The following UBAP1L variants were observed in gnomAD, a reference collection of about 807,000 sequenced individuals.
UBAP1L encodes the protein ubiquitin-associated protein 1-like.
UBAP1L carries 32 observed loss-of-function variants against 32.1 expected under a neutral mutation model. The ratio of observed to expected loss-of-function variants is 1.00; its 90% confidence interval spans 0.75 to 1.34. The LOEUF (loss-of-function observed/expected upper bound fraction) is 1.34, where lower values mean the gene tolerates loss of function less well. Ranked by LOEUF, UBAP1L falls within the 40% of genes most tolerant of loss-of-function variation. The pLI is 0.00. For missense variants in UBAP1L, 516 were observed against 540.5 expected, an observed-to-expected ratio of 0.95 and a Z score of 0.45; for synonymous variants, 243 against 250.2, an observed-to-expected ratio of 0.97 and a Z score of 0.27.
chr15:65,095,736 C>G (rs1478710328), intron 4 of UBAP1L: 6 of 152,248 alleles, frequency 3.9e-5, no homozygotes. Flanking sequence ...GATGAAAGTG[C>G]ACATCATCTA....
chr15:65,099,217 G>C (rs2087210939), intron 4 of UBAP1L: 1 of 393,582 alleles, frequency 2.5e-6, no homozygotes, highest in Admixed American at 4.1e-5. Flanking sequence ...GGAGAGCTGG[G>C]AGACACTCTT....
At chr15:65,109,257 G>A (rs1595923569) in intron 1 of UBAP1L, among the ~76,000 whole-genome samples, 2 of 151,772 alleles carry the variant, frequency 1.3e-5, no homozygotes, top group African/African-American at 2.4e-5. Flanking sequence ...GCCGAGGTGG[G>A]CGGATCACAA....
rs1287274556 is a variant in UBAP1L at position 65,106,219 on chromosome 15, G to C, written c.-4C>G. 6.5e-7 allele frequency: 1 copy of C among 1,538,342 alleles called. No individual in the cohort carries two copies. The highest frequency in any genetic ancestry group is 2.1e-5 in the Admixed American group (1 of 46,998). On this transcript the variant is annotated 5_prime_UTR_variant, in exon 2 of 6. Coordinates refer to ENST00000559089, the MANE Select transcript of UBAP1L (RefSeq NM_001163692.2). ...GAACACCATCGAGGGCATTCATTCT[G>C]TCAGGAGTGTGGAGATGGCTGGCAG...
At chr15:65,107,208 C>T (rs1042531047) in intron 1 of UBAP1L, among the ~76,000 whole-genome samples, 28 of 151,722 alleles carry the variant, frequency 1.8e-4, no homozygotes, top group African/African-American at 6.8e-4. Flanking sequence ...AATACCCATA[C>T]CCTTTCAGCA....
At position 65,102,008 on chromosome 15, in the gene UBAP1L, T is replaced by A; in HGVS notation, c.699+98A>T. On this transcript the variant is annotated intron_variant, in intron 3 of 5. Transcript: ENST00000559089. The surrounding 1 kb of genome is among the most constrained non-coding windows in gnomAD (Gnocchi z 5.0). ...GGTCAAGGGAGGATGCAGGAGCGCG[T>A]GGAGTAGGGGACCGAGGCTGCGGGC... is the stretch of plus-strand genomic sequence containing the variant. 2.3e-6 allele frequency: 1 copy of A among 440,144 alleles called. No homozygotes were observed. Among genetic ancestry groups the A allele is most frequent in the Non-Finnish European group, 3.6e-6 (1 of 280,224 alleles). The allele number at this position is 440,144 out of a possible 1,614,324, so 27.3% of individuals were successfully genotyped here.
intron 1 of UBAP1L, among the ~76,000 whole-genome samples, chr15:65,108,608 G>T (rs2087342944): frequency 6.6e-6 from 1 of 151,934 alleles, no homozygotes. Flanking sequence ...AGCCAGGTAT[G>T]GTGGCATACA....
At chr15:65,096,748 A>G (rs1055009760) in intron 4 of UBAP1L, 13 of 152,348 alleles carry the variant, frequency 8.5e-5, no homozygotes, top group Admixed American at 8.5e-4. Flanking sequence ...CATGGCACCC[A>G]TGCCTGTCCT....
At chr15:65,107,968 A>G (rs2087335225) in intron 1 of UBAP1L, among the ~76,000 whole-genome samples, 1 of 151,694 alleles carries the variant, frequency 6.6e-6, no homozygotes, top group South Asian at 2.1e-4. Flanking sequence ...AAATTCCATC[A>G]CTTTTTTTTT....
intron 1 of UBAP1L, among the ~76,000 whole-genome samples, chr15:65,108,934 AT>A (rs1308707968): frequency 6.6e-6 from 1 of 150,890 alleles, no homozygotes; most frequent in East Asian, 2.0e-4. Context: ...AGGCAGGCAG[AT>A]CGCTTGAGGT....
rs2140563975 is a variant in UBAP1L at position 65,102,354 on chromosome 15, C to T, written c.451G>A (p.Val151Met). The T allele has an allele frequency of 1.4e-6, 2 of 1,472,762 alleles. No homozygotes were observed. The highest frequency in any genetic ancestry group is 1.3e-5 in the South Asian group (1 of 77,214). The allele number at this position is 1,472,762 out of a possible 1,614,324, so 91.2% of individuals were successfully genotyped here. The change falls in exon 3 of 6, where the codon GTG becomes ATG. Residue 151 changes from valine to methionine, a missense_variant. Val to Met is a conservative substitution (Grantham distance 21, BLOSUM62 1). Coordinates refer to ENST00000559089, the MANE Select transcript of UBAP1L (RefSeq NM_001163692.2). The surrounding 1 kb of genome is among the most constrained non-coding windows in gnomAD (Gnocchi z 5.0). Reference protein sequence around the residue: ...RLCSLDVLRGVRLELAGARRR... With the variant: ...RLCSLDVLRGMRLELAGARRR... ...CGCGCCCCTGCCAGCTCCAACCGCA[C>T]GCCGCGTAGCACGTCCAGCGAGCAC...
intron 3 of UBAP1L, chr15:65,101,248 C>G (rs1404139331): frequency 6.6e-6 from 1 of 152,270 alleles, no homozygotes; most frequent in African/African-American, 2.4e-5. Flanking sequence ...CTGCCACCTT[C>G]TGCTGCCAAT....
chr15:65,110,220 G>A (rs993679493), intron 1 of UBAP1L, among the ~76,000 whole-genome samples: 8 of 151,782 alleles, frequency 5.3e-5, no homozygotes, highest in East Asian at 3.9e-4. Context: ...TTAGCTGGGC[G>A]TGGTGGTGCG....
At chr15:65,097,038 G>A (rs552696159) in intron 4 of UBAP1L, 1 of 152,274 alleles carries the variant, frequency 6.6e-6, no homozygotes, top group Non-Finnish European at 1.5e-5. Flanking sequence ...GATAGATGAA[G>A]TCATCCAAAG....
In UBAP1L at chr15:65,099,607, G is replaced by C. The variant is rs1353767470; in HGVS notation, c.807C>G (p.Ser269Arg). 1.3e-6 allele frequency: 2 copies of C among 1,551,652 alleles called. No individual in the cohort carries two copies. Among genetic ancestry groups the C allele is most frequent in the African/African-American group, 2.7e-5 (2 of 73,168 alleles). Residue 269 changes from serine to arginine, a missense_variant, in exon 4 of 6, where the codon AGC becomes AGG. Transcript: ENST00000559089. ...GCCCAATGAGGTCTTGCTCCTCCTG[G>C]CTCAGGGCGGACAGCAGGTCAGCCG... is the stretch of plus-strand genomic sequence containing the variant. ...DTAADLLSAL[S>R]QEEQDLIGPV...
rs1050328607 is a variant in UBAP1L, at chr15:65,102,179, G to A, written c.626C>T (p.Ala209Val). 2.5e-5 allele frequency: 30 copies of A among 1,196,318 alleles called. No individual in the cohort carries two copies. Among genetic ancestry groups the A allele is most frequent in the Middle Eastern group, 3.3e-4 (1 of 3,018 alleles). The allele number at this position is 1,196,318 out of a possible 1,614,324, so 74.1% of individuals were successfully genotyped here. A position where few individuals can be genotyped will look rare whatever the true frequency, so the allele number is the denominator to read the frequency against. The change falls in exon 3 of 6, where the codon GCC (alanine) becomes GTC (valine). Residue 209 changes from alanine (A) to valine (V), a missense_variant. By Grantham distance (64) the Ala-to-Val change is moderately conservative. Transcript: ENST00000559089. The surrounding 1 kb of genome is among the most constrained non-coding windows in gnomAD (Gnocchi z 5.0). The stretch of plus-strand genomic sequence containing the variant: ...GGAGGGCCGCGGGGGCGACGCGGGG[G>A]CGGCGGGGTGCTGGGGCGCGGGCCC... ...PPGPAPQHPA[A>V]PASPPRPSTA...
intron 2 of UBAP1L, chr15:65,105,492 A>T (rs1163343194): frequency 2.4e-6 from 1 of 425,284 alleles, no homozygotes; most frequent in African/African-American, 2.0e-5. Flanking sequence ...GAAAAAAACA[A>T]AAACAGCTCT....
intron 2 of UBAP1L, chr15:65,105,785 CA>C: frequency 8.6e-6 from 6 of 700,840 alleles, no homozygotes; most frequent in Non-Finnish European, 1.6e-5. Flanking sequence ...GTCGGTGGCC[CA>C]AAAAGAGTGC....
At chr15:65,109,223 A>G (rs188153953) in intron 1 of UBAP1L, among the ~76,000 whole-genome samples, 24 of 151,292 alleles carry the variant, frequency 1.6e-4, no homozygotes, top group Admixed American at 1.1e-3. Context: ...GGTGGCTCAC[A>G]CCTGTAATCC....
In UBAP1L at chr15:65,094,665, C is replaced by A; in HGVS notation, c.910-89G>T. 1 of 999,036 alleles carries A rather than the reference C, an allele frequency of 1.0e-6. No homozygotes were observed. The highest frequency in any genetic ancestry group is 1.5e-6 in the Non-Finnish European group (1 of 652,130). The allele number at this position is 999,036 out of a possible 1,614,324, so 61.9% of individuals were successfully genotyped here. On this transcript the variant is annotated intron_variant, in intron 4 of 5. Transcript: ENST00000559089. This position sits in a 1 kb window ranked among gnomAD's most constrained non-coding sequence, Gnocchi z 4.2. ...CAGAGAGGCACTCCAAGGGCCTGAG[C>A]TGAGGGCCAGGCAACAGGGCAAGCC...
Sources: gnomAD v4.1 joint callset for allele counts (sites outside exome capture counted in the v4.1 genomes callset) on GRCh38, gnomAD v4.1.1 for gene constraint, Gnocchi (gnomAD v3.1) non-coding constraint, MANE v1.5 for transcripts, NCBI Gene and HGNC (gene_info 2026-07-23, HGNC 2026-07-21) for gene names.